VOPP1: variants seen among roughly 807,000 people sequenced by gnomAD.
VOPP1 encodes WW domain binding protein VOPP1.
VOPP1 carries 8 observed loss-of-function variants against 23.5 expected under a neutral mutation model. The observed-to-expected ratio is 0.34, with a 90% CI of 0.20 to 0.61. The LOEUF is 0.61. Ranked by LOEUF, VOPP1 falls within the 20% of genes least tolerant of loss-of-function variation. The probability of loss-of-function intolerance (pLI) is 0.78; values close to 1 mark genes in which losing one functional copy is unlikely to be tolerated. For missense variants in VOPP1, 174 were observed against 238.1 expected, an observed-to-expected ratio of 0.73 and a Z score of 1.77; for synonymous variants, 83 against 97.3, an observed-to-expected ratio of 0.85 and a Z score of 0.86.
chr7:55,477,525 C>T (rs1477016782), intron 4 of VOPP1, among the ~76,000 whole-genome samples: 2 of 152,208 alleles, frequency 1.3e-5, no homozygotes, highest in Non-Finnish European at 2.9e-5. Flanking sequence ...GGATCCCAAC[C>T]CCCTGCTGCA....
rs559889766 is a variant in VOPP1, at chr7:55,436,830, G to T, written n.418-656C>A. 5.9e-5 allele frequency among the ~76,000 whole-genome samples: 9 copies of T among 152,256 alleles called. No individual in the cohort carries two copies. The East Asian group carries it at 1.7e-3, about 29-fold the overall frequency. ...TCCAGGAATTCAGAGAGACCAGGGTGTCAGCTGCTTTGGTGTTTTCTTGGG... is the reference window on the plus strand; with the variant it reads ...TCCAGGAATTCAGAGAGACCAGGGTTTCAGCTGCTTTGGTGTTTTCTTGGG... On this transcript the variant is annotated intron_variant and non_coding_transcript_variant, in intron 4 of 4. Transcript: ENST00000462326.
chr7:55,439,046 A>G (rs1344455415), intron 4 of VOPP1, among the ~76,000 whole-genome samples: 4 of 152,180 alleles, frequency 2.6e-5, no homozygotes, highest in African/African-American at 7.2e-5. Context: ...TTGTACGCAC[A>G]TTGAGTTCAA....
intron 4 of VOPP1, among the ~76,000 whole-genome samples, chr7:55,474,655 C>T (rs1328096384): frequency 6.6e-6 from 1 of 152,256 alleles, no homozygotes; most frequent in Non-Finnish European, 1.5e-5. Context: ...ACTACTGCTA[C>T]AGCAGCACCA....
intron 1 of VOPP1, among the ~76,000 whole-genome samples, chr7:55,551,510 G>A (rs1450436899): frequency 6.6e-6 from 1 of 152,196 alleles, no homozygotes; most frequent in South Asian, 2.1e-4. Flanking sequence ...AACACTTGGT[G>A]TTTCTTTCCC....
At chr7:55,493,836 A>C (rs1793755237) in intron 3 of VOPP1, among the ~76,000 whole-genome samples, 1 of 152,210 alleles carries the variant, frequency 6.6e-6, no homozygotes, top group Non-Finnish European at 1.5e-5. Context: ...ATTGGGTAAA[A>C]TATACATAAA....
chr7:55,538,734 A>G (rs1796956431), intron 1 of VOPP1: 2 of 1,409,948 alleles, frequency 1.4e-6, no homozygotes, highest in Non-Finnish European at 1.9e-6. Context: ...AGTCATGGCC[A>G]TTCCTATAAA....
intron 4 of VOPP1, among the ~76,000 whole-genome samples, chr7:55,440,431 C>T (rs1294949303): frequency 1.3e-5 from 2 of 152,196 alleles, no homozygotes; most frequent in African/African-American, 4.8e-5. Flanking sequence ...TAGCAAAGGG[C>T]ATCTGGGGGC....
chr7:55,473,138 G>A (rs973586543), intron 4 of VOPP1, 93 bp from the exon 5 acceptor site: 23 of 1,507,688 alleles, frequency 1.5e-5, no homozygotes, highest in African/African-American at 1.4e-4. Context: ...ACCACGCCCC[G>A]TCATTCACTC....
intron 1 of VOPP1, among the ~76,000 whole-genome samples, chr7:55,564,891 T>C (rs1246725748): frequency 6.6e-6 from 1 of 152,064 alleles, no homozygotes; most frequent in Non-Finnish European, 1.5e-5. Context: ...TCCGAAGGAG[T>C]TGAGATTCTG....
At chr7:55,502,958 A>G (rs1794469600) in intron 2 of VOPP1, among the ~76,000 whole-genome samples, 1 of 152,232 alleles carries the variant, frequency 6.6e-6, no homozygotes, top group Non-Finnish European at 1.5e-5. Context: ...TCCACAGCAT[A>G]TCTAATTATA....
chr7:55,479,260 T>A (rs1453985824), intron 4 of VOPP1, among the ~76,000 whole-genome samples: 1 of 151,894 alleles, frequency 6.6e-6, no homozygotes, highest in Non-Finnish European at 1.5e-5. Context: ...ACCCATTAAC[T>A]CGTCATTTAG....
chr7:55,507,879 C>G (rs1309716901), intron 2 of VOPP1, among the ~76,000 whole-genome samples: 1 of 152,176 alleles, frequency 6.6e-6, no homozygotes, highest in African/African-American at 2.4e-5. Flanking sequence ...AGGGGGCCAT[C>G]ACTGCTTTGA....
intron 4 of VOPP1, among the ~76,000 whole-genome samples, chr7:55,477,907 C>T (rs1019905452): frequency 1.3e-5 from 2 of 152,188 alleles, no homozygotes; most frequent in African/African-American, 2.4e-5. Context: ...TGAGGGACCC[C>T]GGCCAGGTGG....
In VOPP1 at chr7:55,524,598, G is replaced by C. The variant is rs568023251; in HGVS notation, c.55-3468C>G. Among the ~76,000 whole-genome samples, 13 of 152,326 alleles carry C rather than the reference G, an allele frequency of 8.5e-5. No homozygotes were observed. In the South Asian group the frequency reaches 1.0e-3, roughly 12 times the overall value. On this transcript the variant is annotated intron_variant, in intron 1 of 4. Transcript: ENST00000285279. ...ATAATATGAAGAATGCAAAGTCACA[G>C]GTCTCATTATTCAACTGAAAAACGC... is the stretch of plus-strand genomic sequence containing the variant.
chr7:55,482,630 C>T (rs958111090), intron 4 of VOPP1, among the ~76,000 whole-genome samples: 102 of 152,080 alleles, frequency 6.7e-4, no homozygotes, highest in Non-Finnish European at 1.1e-3. Flanking sequence ...TGAGCCACCG[C>T]GTCCGGCCAA....
intron 4 of VOPP1, among the ~76,000 whole-genome samples, chr7:55,449,021 G>T (rs1022639870): frequency 3.9e-5 from 6 of 152,230 alleles, no homozygotes; most frequent in African/African-American, 1.4e-4. Flanking sequence ...AGAGACTCCC[G>T]TGTGGGTCCC....
At chr7:55,445,628 A>G (rs1299896383) in intron 4 of VOPP1, among the ~76,000 whole-genome samples, 1 of 151,742 alleles carries the variant, frequency 6.6e-6, no homozygotes, top group East Asian at 1.9e-4. Flanking sequence ...CTTTCTCAGG[A>G]CTCCAGGACT....
At chr7:55,546,930 T>A (rs1406530632) in intron 1 of VOPP1, among the ~76,000 whole-genome samples, 1 of 152,232 alleles carries the variant, frequency 6.6e-6, no homozygotes, top group Non-Finnish European at 1.5e-5. Context: ...TTGTCCCCAG[T>A]GCCCCTGAAC....
chr7:55,543,700 GTT>G lies in VOPP1; in HGVS notation c.55-22572_55-22571del, dbSNP rs34519358. ...CATATACCTGTTGGCCATTTACATG[GTT>G]TTTTTTTTTTGAGAAATGTCTATTC... On this transcript the variant is annotated intron_variant, in intron 1 of 4. Coordinates refer to ENST00000285279, the MANE Select transcript of VOPP1 (RefSeq NM_030796.5). 1.4e-4 allele frequency among the ~76,000 whole-genome samples: 21 copies of G among 146,052 alleles called. No individual in the cohort carries two copies. The East Asian group carries it at 2.4e-3, about 16-fold the overall frequency.
Sources: allele counts gnomAD v4.1 joint callset (sites outside exome capture counted in the v4.1 genomes callset), GRCh38; gene constraint gnomAD v4.1.1; transcripts MANE v1.5; gene names NCBI Gene and HGNC (gene_info 2026-07-23, HGNC 2026-07-21).